The following MAST2 variants were observed in gnomAD, a reference collection of about 807,000 sequenced individuals.
MAST2 encodes microtubule-associated serine/threonine-protein kinase 2.
In MAST2, 70 loss-of-function variants were observed where a neutral mutation model predicts 147.4. That is an observed-to-expected ratio of 0.47 (90% CI 0.39 to 0.58). The LOEUF (loss-of-function observed/expected upper bound fraction) is 0.58, where lower values mean the gene tolerates loss of function less well. Among genes scored for constraint, MAST2 ranks in the 20% least tolerant of loss-of-function variants. MAST2 has a pLI of 0.00. For synonymous variants in MAST2, 869 were observed against 896.8 expected, an observed-to-expected ratio of 0.97 and a Z score of 0.55; for missense variants, 2,080 against 2,302.3, an observed-to-expected ratio of 0.90 and a Z score of 1.98.
At chr1:46,005,403 A>G (rs988172767) in intron 7 of MAST2, among the ~76,000 whole-genome samples, 4 of 150,834 alleles carry the variant, frequency 2.7e-5, no homozygotes, top group Admixed American at 2.0e-4. Flanking sequence ...TTAGTTTGGT[A>G]AATAGAACTT....
At chr1:46,029,285 A>C (rs771031910) in intron 18 of MAST2, 181 bp from the exon 19 acceptor site, 3 of 570,108 alleles carry the variant, frequency 5.3e-6, no homozygotes, top group Non-Finnish European at 9.4e-6. Context: ...CTGTGGATCA[A>C]AGATCAAGCT....
chr1:46,004,144 C>G (rs1237768815), intron 7 of MAST2, among the ~76,000 whole-genome samples: 2 of 152,058 alleles, frequency 1.3e-5, no homozygotes, highest in South Asian at 2.1e-4. Flanking sequence ...GCAGGCTGAT[C>G]GCAAGGTCAG....
intron 16 of MAST2, 68 bp from the exon 17 acceptor site, chr1:46,027,663 A>G (rs774737761): frequency 1.4e-5 from 22 of 1,533,596 alleles, no homozygotes; most frequent in Non-Finnish European, 2.0e-5. Flanking sequence ...GAAACTGGGC[A>G]TATACTAAAA....
At chr1:45,920,192 G>T (rs1163424089) in intron 4 of MAST2, among the ~76,000 whole-genome samples, 3 of 152,200 alleles carry the variant, frequency 2.0e-5, no homozygotes, top group Admixed American at 2.0e-4. Flanking sequence ...ACCTGCTCAT[G>T]TTCTTGGATA....
At chr1:45,960,735 AC>A (rs1557967891) in intron 5 of MAST2, among the ~76,000 whole-genome samples, 1 of 152,154 alleles carries the variant, frequency 6.6e-6, no homozygotes, top group African/African-American at 2.4e-5. Context: ...GAAGATCTAA[AC>A]CTACAGTTAG....
intron 1 of MAST2, among the ~76,000 whole-genome samples, chr1:45,809,618 T>G (rs932348591): frequency 1.3e-5 from 2 of 152,168 alleles, no homozygotes; most frequent in Non-Finnish European, 2.9e-5. Flanking sequence ...GGTGACAGAA[T>G]GAGACCGTGT....
intron 4 of MAST2, among the ~76,000 whole-genome samples, chr1:45,899,333 CA>C (rs1649352206): frequency 4.8e-5 from 3 of 63,006 alleles, no homozygotes; most frequent in Non-Finnish European, 9.0e-5. Flanking sequence ...TTTTTAGATT[CA>C]GGGGTACATG....
In MAST2 at chr1:45,916,234, C is replaced by T. The variant is rs77486803; in HGVS notation, c.500+33839C>T. Among the ~76,000 whole-genome samples, 573 of 152,144 alleles carry T rather than the reference C, an allele frequency of 3.8e-3. 3 individuals carry two copies. The highest frequency in any genetic ancestry group is 0.013 in the African/African-American group (542 of 41,498). On this transcript the variant is annotated intron_variant, in intron 4 of 28. Coordinates refer to ENST00000361297, the MANE Select transcript of MAST2 (RefSeq NM_015112.3). Reference sequence around the variant, plus strand: ...TTATAAACAGTCAGAAATAACAATACGAGAAACTAACAATGTTATCATTTT... The same window carrying T: ...TTATAAACAGTCAGAAATAACAATATGAGAAACTAACAATGTTATCATTTT...
Position 45,832,889 on chromosome 1 carries a change from T to G in MAST2, c.468+3308T>G, listed in dbSNP as rs559472441. ...ATGTACAGCCATCACTGTAGTCAAT[T>G]TAAGAATATTTTCTTTACTTTAGAA... On this transcript the variant is annotated intron_variant, in intron 3 of 28. Coordinates refer to ENST00000361297, the MANE Select transcript of MAST2 (RefSeq NM_015112.3). 4.6e-5 allele frequency among the ~76,000 whole-genome samples: 7 copies of G among 152,340 alleles called. No homozygotes were observed. In the South Asian group the frequency reaches 1.5e-3, roughly 32 times the overall value.
rs777131454 is a variant in MAST2 at position 45,950,021 on chromosome 1, C to T, written c.501-9365C>T. Among the ~76,000 whole-genome samples, 42 of 152,140 alleles carry T rather than the reference C, an allele frequency of 2.8e-4. 1 individual carries two copies. The Middle Eastern group carries it at 0.034, about 123-fold the overall frequency. ...ATAAGTGGGAGCTGAATGAAGATAACTCATGAACACAAAGAAGGGAAAACA... is the reference window on the plus strand; with the variant it reads ...ATAAGTGGGAGCTGAATGAAGATAATTCATGAACACAAAGAAGGGAAAACA... On this transcript the variant is annotated intron_variant, in intron 4 of 28. Transcript: ENST00000361297.
At chr1:45,881,215 G>A (rs910223783) in intron 3 of MAST2, among the ~76,000 whole-genome samples, 2 of 152,038 alleles carry the variant, frequency 1.3e-5, no homozygotes, top group Non-Finnish European at 2.9e-5. Flanking sequence ...AGAAGAAAAA[G>A]ATGGAAAGAA....
intron 4 of MAST2, among the ~76,000 whole-genome samples, chr1:45,938,184 TGATG>T (rs1656584479): frequency 6.6e-6 from 1 of 152,276 alleles, no homozygotes; most frequent in Non-Finnish European, 1.5e-5. Flanking sequence ...ATTCACCAGT[TGATG>T]GACATTTATA....
At chr1:46,030,574 A>C in intron 21 of MAST2, 33 bp from the exon 22 acceptor site, 3 of 1,572,388 alleles carry the variant, frequency 1.9e-6, no homozygotes, top group Non-Finnish European at 2.6e-6. Context: ...CGGCTGCCAG[A>C]GCCCATCCCC....
At chr1:46,018,701 GA>G (rs1646059440) in intron 10 of MAST2, among the ~76,000 whole-genome samples, 1 of 152,058 alleles carries the variant, frequency 6.6e-6, no homozygotes, top group Admixed American at 6.6e-5. Flanking sequence ...AAATTCCTAG[GA>G]AAGTGATCCT....
intron 18 of MAST2, 86 bp downstream of exon 18, chr1:46,029,019 G>C: frequency 7.1e-7 from 1 of 1,415,598 alleles, no homozygotes; most frequent in Non-Finnish European, 9.6e-7. Flanking sequence ...AGGCCTGTGA[G>C]CTCTTGTTCT....
chr1:45,937,784 T>A (rs1246616916), intron 4 of MAST2, among the ~76,000 whole-genome samples: 2 of 138,352 alleles, frequency 1.4e-5, no homozygotes, highest in African/African-American at 5.6e-5. Flanking sequence ...AAAAAAAAAT[T>A]ACCCATTGTA....
intron 4 of MAST2, among the ~76,000 whole-genome samples, chr1:45,930,143 G>A (rs1655040037): frequency 6.6e-6 from 1 of 151,830 alleles, no homozygotes. Context: ...TGGAGTGCGC[G>A]ATCTCAGCTC....
intron 16 of MAST2, 32 bp downstream of exon 16, chr1:46,025,847 G>C (rs1646386249): frequency 6.2e-7 from 1 of 1,613,618 alleles, no homozygotes; most frequent in Non-Finnish European, 8.5e-7. Flanking sequence ...CTTGTCCAGG[G>C]TCTCCCTCTT....
chr1:46,034,708 G>C lies in MAST2; in HGVS notation c.4039G>C (p.Ala1347Pro). 6.2e-7 allele frequency: 1 copy of C among 1,614,038 alleles called. No individual in the cohort carries two copies. Among genetic ancestry groups the C allele is most frequent in the Non-Finnish European group, 8.5e-7 (1 of 1,179,994 alleles). Reference sequence around the variant, plus strand: ...AGGCAGCATCCCACTGTCACCACTGGCCCACACCCCTTCTCCCCCACCCCC... The same window carrying C: ...AGGCAGCATCCCACTGTCACCACTGCCCCACACCCCTTCTCCCCCACCCCC... ...SAGSIPLSPL[A>P]HTPSPPPPTA... The change falls in exon 29 of 29, where the codon GCC (alanine) becomes CCC (proline). Residue 1347 changes from alanine (A) to proline (P), a missense_variant. Transcript: ENST00000361297.
Sources: allele counts gnomAD v4.1 joint callset (sites outside exome capture counted in the v4.1 genomes callset), GRCh38; gene constraint gnomAD v4.1.1; transcripts MANE v1.5; gene names NCBI Gene and HGNC (gene_info 2026-07-23, HGNC 2026-07-21).